ZPBP: variants seen among roughly 807,000 people sequenced by gnomAD.
The protein encoded by ZPBP is zona pellucida binding protein.
In ZPBP, 26 loss-of-function variants were observed where a neutral mutation model predicts 44.8. The ratio of observed to expected loss-of-function variants is 0.58; its 90% CI spans 0.43 to 0.81. The LOEUF (loss-of-function observed/expected upper bound fraction) is 0.81, where lower values mean the gene tolerates loss of function less well. Ranked by LOEUF, ZPBP falls within the 30% of genes least tolerant of loss-of-function variation. ZPBP has a pLI of 0.00. For missense variants in ZPBP, 409 were observed against 434.0 expected, an observed-to-expected ratio of 0.94 and a Z score of 0.51; for synonymous variants, 174 against 153.2, an observed-to-expected ratio of 1.14 and a Z score of -1.00.
intron 7 of ZPBP, among the ~76,000 whole-genome samples, chr7:49,960,579 A>G (rs1795827058): frequency 6.6e-6 from 1 of 152,196 alleles, no homozygotes; most frequent in African/African-American, 2.4e-5. Context: ...CCACAATCTG[A>G]GAGAAAATAC....
chr7:49,882,339 C>A (rs993549618), intron 2 of ZPBP, among the ~76,000 whole-genome samples: 6 of 152,124 alleles, frequency 3.9e-5, no homozygotes, highest in Non-Finnish European at 5.9e-5. Context: ...CAATAAAAAG[C>A]AAATTAGAAA....
intron 6 of ZPBP, among the ~76,000 whole-genome samples, chr7:50,007,885 C>G (rs1379052762): frequency 6.6e-6 from 1 of 151,700 alleles, no homozygotes; most frequent in Non-Finnish European, 1.5e-5. Context: ...TAATAAAGGC[C>G]ATATAACAAA....
intron 2 of ZPBP, among the ~76,000 whole-genome samples, chr7:50,082,642 CT>C (rs1201803557): frequency 6.6e-6 from 1 of 151,758 alleles, no homozygotes; most frequent in Non-Finnish European, 1.5e-5. Flanking sequence ...TCAAAATTCT[CT>C]TTGACTTTTA....
At chr7:49,988,223 AAAAT>A (rs1345210911) in intron 6 of ZPBP, among the ~76,000 whole-genome samples, 1 of 152,210 alleles carries the variant, frequency 6.6e-6, no homozygotes, top group African/African-American at 2.4e-5. Flanking sequence ...TCATTTTAGA[AAAAT>A]AAATAATATG....
intron 2 of ZPBP, among the ~76,000 whole-genome samples, chr7:49,865,024 T>C (rs185820296): frequency 2.6e-5 from 4 of 152,122 alleles, no homozygotes; most frequent in African/African-American, 9.6e-5. Flanking sequence ...TTTTCTGATA[T>C]CCCTCTATAT....
At chr7:49,888,294 A>C (rs139268980) in intron 2 of ZPBP, among the ~76,000 whole-genome samples, 168 of 152,318 alleles carry the variant, frequency 1.1e-3, no homozygotes, top group African/African-American at 3.9e-3. Flanking sequence ...ATTTGTTCAC[A>C]GTAACTTGGT....
downstream of ZPBP, among the ~76,000 whole-genome samples, chr7:49,846,567 C>T: frequency 6.6e-6 from 1 of 152,172 alleles, no homozygotes; most frequent in African/African-American, 2.4e-5. Flanking sequence ...CTGTAGAAAG[C>T]CTTGTGGGCT....
At chr7:49,877,739 A>G (rs1230925659) in intron 2 of ZPBP, among the ~76,000 whole-genome samples, 1 of 149,966 alleles carries the variant, frequency 6.7e-6, no homozygotes, top group Non-Finnish European at 1.5e-5. Context: ...AGAGCCACTC[A>G]CTTTTCAGGT....
chr7:49,981,242 TTA>T (rs1331078311), intron 7 of ZPBP, among the ~76,000 whole-genome samples: 64 of 118,008 alleles, frequency 5.4e-4, no homozygotes, highest in Admixed American at 9.8e-4. Context: ...TTGTAAATAT[TTA>T]TATATGTTAT....
chr7:50,033,912 C>T (rs997231891), intron 4 of ZPBP, among the ~76,000 whole-genome samples: 1 of 152,082 alleles, frequency 6.6e-6, no homozygotes, highest in African/African-American at 2.4e-5. Flanking sequence ...AGTCTGGTCT[C>T]GAACTCCTGA....
chr7:49,960,218 G>A (rs1416634626), intron 7 of ZPBP, among the ~76,000 whole-genome samples: 6 of 152,010 alleles, frequency 3.9e-5, no homozygotes, highest in East Asian at 1.9e-4. Context: ...TCAGGAGTTC[G>A]ACACTAGCCT....
chr7:50,082,496 A>G (rs1453784709), intron 2 of ZPBP, among the ~76,000 whole-genome samples: 2 of 151,872 alleles, frequency 1.3e-5, no homozygotes, highest in African/African-American at 4.8e-5. Context: ...GGAACCCGGT[A>G]AAGATTCCAT....
Position 50,089,653 on chromosome 7 carries a change from T to C in ZPBP, c.184A>G (p.Ile62Val), listed in dbSNP as rs1403262228. ...AFRLTKDSVKIVGSTSFPVKA... is the reference protein window; with the variant it reads ...AFRLTKDSVKVVGSTSFPVKA... The stretch of plus-strand genomic sequence containing the variant: ...CCTGGAAAACTTGTTGATCCCACTA[T>C]TTTCACTGAATCTTTGGTCAAGCGA... Residue 62 changes from isoleucine to valine, a missense_variant, in exon 2 of 8, where the codon ATA becomes GTA. Around this residue, in one of 2 missense-constraint regions of ZPBP, gnomAD observed 367 missense variants for 363.1 expected, o/e 1.01. Transcript: ENST00000046087. 1 of 1,611,110 alleles carries C rather than the reference T, an allele frequency of 6.2e-7. No homozygotes were observed. Among genetic ancestry groups the C allele is most frequent in the South Asian group, 1.1e-5 (1 of 90,648 alleles).
At chr7:50,004,052 G>A (rs556250917) in intron 6 of ZPBP, among the ~76,000 whole-genome samples, 3 of 152,182 alleles carry the variant, frequency 2.0e-5, no homozygotes, top group South Asian at 4.1e-4. Flanking sequence ...CTAGATGGCC[G>A]GTGAAGCACT....
chr7:49,894,466 C>G (rs982635936), intron 2 of ZPBP, among the ~76,000 whole-genome samples: 6 of 152,234 alleles, frequency 3.9e-5, no homozygotes, highest in Admixed American at 6.5e-5. Flanking sequence ...TATGGCTTAC[C>G]ATCCCTTGTT....
chr7:50,048,085 A>G (rs1245610086), intron 4 of ZPBP, among the ~76,000 whole-genome samples: 1 of 151,682 alleles, frequency 6.6e-6, no homozygotes, highest in Middle Eastern at 3.2e-3. Context: ...AGAAAAATAG[A>G]ATACGCTTCT....
At chr7:50,049,751 A>G (rs1800590706) in intron 4 of ZPBP, among the ~76,000 whole-genome samples, 2 of 151,938 alleles carry the variant, frequency 1.3e-5, no homozygotes, top group Admixed American at 1.3e-4. Flanking sequence ...CCCTAATATT[A>G]TGAGAAAGGT....
chr7:50,048,329 A>C (rs2128822732), intron 4 of ZPBP, among the ~76,000 whole-genome samples: 1 of 152,238 alleles, frequency 6.6e-6, no homozygotes, highest in East Asian at 1.9e-4. Context: ...GAAGAAGATC[A>C]ACAAAGAAAT....
intron 7 of ZPBP, among the ~76,000 whole-genome samples, chr7:49,949,105 T>C (rs916957840): frequency 3.3e-5 from 5 of 152,214 alleles, no homozygotes; most frequent in Admixed American, 1.3e-4. Context: ...TCTTTCTCCA[T>C]GAATATGCAC....
Sources: allele counts gnomAD v4.1 joint callset (sites outside exome capture counted in the v4.1 genomes callset), GRCh38; gene constraint gnomAD v4.1.1; regional missense constraint gnomAD v4.1.1; transcripts MANE v1.5; gene names NCBI Gene and HGNC (gene_info 2026-07-23, HGNC 2026-07-21).